The following PSG8 variants were observed in gnomAD, a reference collection of about 807,000 sequenced individuals.
PSG8 encodes pregnancy specific beta-1-glycoprotein 8.
In PSG8, 57 loss-of-function variants were observed where a neutral mutation model predicts 42.5. That is an observed-to-expected ratio of 1.34 (90% confidence interval 1.08 to 1.67). The LOEUF (loss-of-function observed/expected upper bound fraction) is 1.67, where lower values mean the gene tolerates loss of function less well. PSG8 is among the 40% of genes most tolerant of loss of function. PSG8 has a pLI of 0.00. For missense variants in PSG8, 783 were observed against 518.6 expected, an observed-to-expected ratio of 1.51 and a Z score of -4.95; for synonymous variants, 280 against 196.8, an observed-to-expected ratio of 1.42 and a Z score of -3.54.
intron 2 of PSG8, among the ~76,000 whole-genome samples, chr19:42,759,371 G>C (rs769607355): frequency 1.3e-5 from 2 of 152,132 alleles, no homozygotes; most frequent in Non-Finnish European, 2.9e-5. Context: ...CAGTTATGCA[G>C]GATGAGGAGG....
chr19:42,757,698 C>G (rs1460892592), intron 3 of PSG8, among the ~76,000 whole-genome samples: 1 of 152,196 alleles, frequency 6.6e-6, no homozygotes, highest in East Asian at 1.9e-4. Flanking sequence ...AGCCAAGTCA[C>G]AACATTGAAG....
rs778098439 is a variant in PSG8, at chr19:42,758,276, C to T, written c.435G>A (p.Glu145=). 7.4e-6 allele frequency: 12 copies of T among 1,613,530 alleles called. No individual in the cohort carries two copies. The African/African-American group carries it at 1.2e-4, about 16-fold the overall frequency. Residue 145 remains glutamate (E), a synonymous_variant, in exon 3 of 5, where the codon GAG becomes GAA. Coordinates refer to ENST00000306511, the MANE Select transcript of PSG8 (RefSeq NM_182707.3). ...TGHFTFTLYL[E]TPKPSISSSK... is the part of the protein sequence containing the mutation. ...TGCTGGAGATGGAGGGCTTGGGAGT[C>T]TCCACTGTGCAGAAAACAGAGAGAA...
rs1417553162 is a variant in PSG8, at chr19:42,764,247, A to T, written c.99T>A (p.Thr33=). The change falls in exon 2 of 5, where the codon ACT becomes ACA. Residue 33 remains threonine (T), a synonymous_variant. Coordinates refer to ENST00000306511, the MANE Select transcript of PSG8 (RefSeq NM_182707.3). ...SLLNFWNPPT[T]AQVTIEAQPT... is the part of the protein sequence containing the mutation. ...GCTGGGCTTCAATCGTGACTTGGGCAGTCGTGGGTGGGTTCCAGAAGTTTA... is the reference window on the plus strand; with the variant it reads ...GCTGGGCTTCAATCGTGACTTGGGCTGTCGTGGGTGGGTTCCAGAAGTTTA... 6.2e-7 allele frequency: 1 copy of T among 1,613,710 alleles called. No individual in the cohort carries two copies.
chr19:42,753,695 G>A (rs1397664998), downstream of PSG8, among the ~76,000 whole-genome samples: 1 of 152,114 alleles, frequency 6.6e-6, no homozygotes, highest in Non-Finnish European at 1.5e-5. Context: ...CCAAACCAAG[G>A]CTGACTTCAG....
At chr19:42,759,249 C>T (rs1208698678) in intron 2 of PSG8, among the ~76,000 whole-genome samples, 3 of 152,112 alleles carry the variant, frequency 2.0e-5, no homozygotes, top group African/African-American at 7.2e-5. Context: ...CTGAATTTGA[C>T]TACTCTATGT....
At chr19:42,753,365 G>A (rs188113038), downstream of PSG8, 33 of 780,400 alleles carry the variant, frequency 4.2e-5, 1 homozygote, top group East Asian at 4.1e-4. Context: ...AGAATTCAGG[G>A]TAATGTCCAG....
intron 2 of PSG8, among the ~76,000 whole-genome samples, chr19:42,761,710 C>T (rs180787653): frequency 7.0e-6 from 1 of 142,008 alleles, no homozygotes; most frequent in East Asian, 2.1e-4. Flanking sequence ...ATATCTCTAA[C>T]CCCTGATCCA....
chr19:42,758,460 C>G, intron 2 of PSG8, 180 bp from the exon 3 acceptor site: 1 of 1,315,734 alleles, frequency 7.6e-7, no homozygotes, highest in Non-Finnish European at 1.0e-6. Context: ...GGTTGTGAGG[C>G]TGCCTGCTTC....
intron 1 of PSG8, 95 bp from the exon 2 acceptor site, chr19:42,764,376 A>T (rs1488303056): frequency 1.3e-6 from 2 of 1,515,668 alleles, no homozygotes; most frequent in African/African-American, 2.8e-5. Flanking sequence ...TTCAGTCCTC[A>T]GCCTTGAAGA....
rs375688393 is a variant in PSG8, at chr19:42,755,147, C to T, written c.829G>A (p.Gly277Ser). Residue 277 changes from glycine (G) to serine (S), a missense_variant, in exon 4 of 5, where the codon GGT becomes AGT. Gly to Ser is a moderately conservative substitution (Grantham distance 56). Transcript: ENST00000306511. ...CTGGGACTGACCGGGAGGCTCTGAC[C>T]ATTTAGCCACCAAATGTAGGTGTAG... Reference protein sequence around the residue: ...ENYTYIWWLNGQSLPVSPRVK... With the variant: ...ENYTYIWWLNSQSLPVSPRVK... The T allele has an allele frequency of 6.2e-7, 1 of 1,611,762 alleles. No individual in the cohort carries two copies. The highest frequency in any genetic ancestry group is 8.5e-7 in the Non-Finnish European group (1 of 1,179,804).
Position 42,763,978 on chromosome 19 carries a change from T to G in PSG8, c.368A>C (p.His123Pro). The G allele has an allele frequency of 1.9e-6, 3 of 1,611,562 alleles. No individual in the cohort carries two copies. Among genetic ancestry groups the G allele is most frequent in the Non-Finnish European group, 2.5e-6 (3 of 1,179,508 alleles). Residue 123 changes from histidine to proline, a missense_variant, in exon 2 of 5, where the codon CAC becomes CCC. Physicochemically the swap from His to Pro is moderately conservative, Grantham distance 77. Transcript: ENST00000306511. ...TQEDAGSYTLHIIMGGDENRG... is the reference protein window; with the variant it reads ...TQEDAGSYTLPIIMGGDENRG... ...ATTCTCATCACCTCCCATTATGATGTGTAAGGTGTAGGATCCTGCGTCTTC... is the reference window on the plus strand; with the variant it reads ...ATTCTCATCACCTCCCATTATGATGGGTAAGGTGTAGGATCCTGCGTCTTC...
At position 42,763,930 on chromosome 19, in the gene PSG8, G is replaced by T. The variant is rs1318257494; in HGVS notation, c.416C>A (p.Thr139Asn). The T allele has an allele frequency of 4.2e-5, 67 of 1,613,712 alleles. 2 individuals carry two copies. Among genetic ancestry groups the T allele is most frequent in the Non-Finnish European group, 5.7e-5 (67 of 1,179,776 alleles). ...GAATCACTCACGATATAAGGTGAAGGTGAAATGTCCAGTTACTCCTCTATT... is the reference window on the plus strand; with the variant it reads ...GAATCACTCACGATATAAGGTGAAGTTGAAATGTCCAGTTACTCCTCTATT... ...DENRGVTGHF[T>N]FTLYLETPKP... Residue 139 changes from threonine to asparagine, a missense_variant, in exon 2 of 5, where the codon ACC becomes AAC. Transcript: ENST00000306511.
chr19:42,760,505 G>T (rs551803076), intron 2 of PSG8, among the ~76,000 whole-genome samples: 1 of 152,014 alleles, frequency 6.6e-6, no homozygotes. Flanking sequence ...TTCTATTGAC[G>T]TATCCTCAAG....
intron 4 of PSG8, 63 bp from the exon 5 acceptor site, chr19:42,754,650 C>A: frequency 1.3e-6 from 2 of 1,543,878 alleles, no homozygotes; most frequent in South Asian, 1.2e-5. Context: ...TTCCTGGTCT[C>A]TTAAAGGGAC....
intron 2 of PSG8, among the ~76,000 whole-genome samples, chr19:42,761,309 A>G (rs1367137563): frequency 1.3e-5 from 2 of 152,174 alleles, no homozygotes; most frequent in East Asian, 1.9e-4. Flanking sequence ...TTGCCCAGGG[A>G]CTGCCTTTGT....
chr19:42,765,401 CT>C (rs1970191955), intron 1 of PSG8, 116 bp downstream of exon 1: 1 of 1,496,178 alleles, frequency 6.7e-7, no homozygotes, highest in African/African-American at 1.4e-5. Context: ...ATCCACCTGC[CT>C]CAGCCTCCCA....
In PSG8 at chr19:42,759,314, G is replaced by C. The variant is rs539817501; in HGVS notation, c.431-1034C>G. 2.4e-4 allele frequency among the ~76,000 whole-genome samples: 36 copies of C among 152,238 alleles called. No homozygotes were observed. In the South Asian group the frequency reaches 6.4e-3, roughly 27 times the overall value. On this transcript the variant is annotated intron_variant, in intron 2 of 4. Coordinates refer to ENST00000306511, the MANE Select transcript of PSG8 (RefSeq NM_182707.3). ...CAGAGAGTAGAATAGGAGTTTCTACGAGCTGGGATCAGGGCAATAGGGCGT... is the reference window on the plus strand; with the variant it reads ...CAGAGAGTAGAATAGGAGTTTCTACCAGCTGGGATCAGGGCAATAGGGCGT...
chr19:42,763,938 T>G lies in PSG8; in HGVS notation c.408A>C (p.Gly136=). ...CACGATATAAGGTGAAGGTGAAATG[T>G]CCAGTTACTCCTCTATTCTCATCAC... is the stretch of plus-strand genomic sequence containing the variant. ...MGGDENRGVT[G]HFTFTLYLET... The change falls in exon 2 of 5, where the codon GGA becomes GGC. Residue 136 remains glycine, a synonymous_variant. Coordinates refer to ENST00000306511, the MANE Select transcript of PSG8 (RefSeq NM_182707.3). 6.2e-7 allele frequency: 1 copy of G among 1,613,734 alleles called. No individual in the cohort carries two copies. Among genetic ancestry groups the G allele is most frequent in the Non-Finnish European group, 8.5e-7 (1 of 1,179,784 alleles).
chr19:42,758,398 A>G lies in PSG8; in HGVS notation c.431-118T>C, dbSNP rs1969987702. 3.4e-5 allele frequency: 52 copies of G among 1,524,404 alleles called. No homozygotes were observed. The East Asian group carries it at 1.1e-3, about 32-fold the overall frequency. The allele number at this position is 1,524,404 out of a possible 1,614,324, so 94.4% of individuals were successfully genotyped here. A position where few individuals can be genotyped will look rare whatever the true frequency, so the allele number is the denominator to read the frequency against. Reference sequence around the variant, plus strand: ...AGCCCACCCAAGTCCTTAAAAGCCCATGGCAGGTGTGTGTGTTGCAAGACA... The same window carrying G: ...AGCCCACCCAAGTCCTTAAAAGCCCGTGGCAGGTGTGTGTGTTGCAAGACA... On this transcript the variant is annotated intron_variant, in intron 2 of 4. Transcript: ENST00000306511.
Sources: gnomAD v4.1 joint callset for allele counts (sites outside exome capture counted in the v4.1 genomes callset) on GRCh38, gnomAD v4.1.1 for gene constraint, MANE v1.5 for transcripts, NCBI Gene and HGNC (gene_info 2026-07-23, HGNC 2026-07-21) for gene names.